Variants in RFFL observed in about 807,000 individuals in gnomAD.
The protein encoded by RFFL is ring finger and FYVE like domain containing E3 ubiquitin protein ligase.
RFFL carries 16 observed loss-of-function variants against 40.4 expected under a neutral mutation model. The ratio of observed to expected loss-of-function variants is 0.40; its 90% CI spans 0.27 to 0.60. RFFL has a LOEUF of 0.60. Ranked by LOEUF, RFFL falls within the 20% of genes least tolerant of loss-of-function variation. RFFL has a pLI of 0.47. For synonymous variants in RFFL, 154 were observed against 167.9 expected, an observed-to-expected ratio of 0.92 and a Z score of 0.64; for missense variants, 367 against 451.7, an observed-to-expected ratio of 0.81 and a Z score of 1.70.
chr17:35,026,671 C>G lies in RFFL; in HGVS notation c.-8-110G>C, dbSNP rs1163697680. 4 of 790,646 alleles carry G rather than the reference C, an allele frequency of 5.1e-6. No individual in the cohort carries two copies. The African/African-American group carries it at 7.3e-5, about 14-fold the overall frequency. 49.0% of individuals were successfully genotyped at this position (790,646 alleles called of 1,614,324 possible). A position where few individuals can be genotyped will look rare whatever the true frequency, so the allele number is the denominator to read the frequency against. ...GTGACACTCAATGCACGCATGCCAC[C>G]AAGGTGGAGGGGAGGATGTGTTTTC... On this transcript the variant is annotated intron_variant, in intron 1 of 6. Coordinates refer to ENST00000394597, the MANE Select transcript of RFFL (RefSeq NM_001017368.2).
chr17:35,012,273 C>T, intron 6 of RFFL, 124 bp from the exon 7 acceptor site: 1 of 748,284 alleles, frequency 1.3e-6, no homozygotes. Flanking sequence ...AGTCTCAGTG[C>T]ACATGCTTCC....
chr17:35,038,631 T>G (rs1039550582), intron 1 of RFFL, among the ~76,000 whole-genome samples: 1 of 152,196 alleles, frequency 6.6e-6, no homozygotes, highest in African/African-American at 2.4e-5. Context: ...ATGAATCTTA[T>G]GTTGAGCAAA....
chr17:35,009,172 C>T lies in RFFL; in HGVS notation c.*2796G>A, dbSNP rs777975048. 1 of 152,626 alleles carries T rather than the reference C, an allele frequency of 6.6e-6. No homozygotes were observed. The highest frequency in any genetic ancestry group is 1.5e-5 in the Non-Finnish European group (1 of 68,038). 9.5% of individuals were successfully genotyped at this position (152,626 alleles called of 1,614,324 possible). ...AGCAGAGCTCTGTAACAAAATAATA[C>T]ACATTTGGGTTTGCTTTAACCTCCA... On this transcript the variant is annotated 3_prime_UTR_variant, in exon 7 of 7. Transcript: ENST00000394597.
chr17:35,017,861 G>A (rs964658832), intron 3 of RFFL, among the ~76,000 whole-genome samples: 1 of 152,138 alleles, frequency 6.6e-6, no homozygotes, highest in Non-Finnish European at 1.5e-5. Flanking sequence ...CACCAGGATG[G>A]CAGTAGCCAC....
chr17:35,010,508 C>A lies in RFFL; in HGVS notation c.*1460G>T, dbSNP rs897448092. On this transcript the variant is annotated 3_prime_UTR_variant, in exon 7 of 7. Transcript: ENST00000394597. ...GTGGCTCACGCCTGTAATCCCAGCA[C>A]TTTGGGAAGCTGAGGCGGGCGGATC... is the stretch of plus-strand genomic sequence containing the variant. The A allele has an allele frequency of 3.3e-5, 5 of 152,218 alleles. No homozygotes were observed. Among genetic ancestry groups the A allele is most frequent in the Non-Finnish European group, 5.9e-5 (4 of 68,114 alleles). The allele number at this position is 152,218 out of a possible 1,614,324, so 9.4% of individuals were successfully genotyped here.
At chr17:35,074,367 T>C (rs1247379027) in intron 1 of RFFL, 1 of 152,220 alleles carries the variant, frequency 6.6e-6, no homozygotes, top group African/African-American at 2.4e-5. Context: ...GCTGTGGTTT[T>C]TGGATGTTTC....
chr17:35,011,253 T>C lies in RFFL; in HGVS notation c.*715A>G, dbSNP rs558381622. Reference sequence around the variant, plus strand: ...AGACAGAAACAAATTTCCCAGCAGTTTGGGAGCCTGATGTTTTGTTGGCTC... The same window carrying C: ...AGACAGAAACAAATTTCCCAGCAGTCTGGGAGCCTGATGTTTTGTTGGCTC... On this transcript the variant is annotated 3_prime_UTR_variant, in exon 7 of 7. Coordinates refer to ENST00000394597, the MANE Select transcript of RFFL (RefSeq NM_001017368.2). 3.3e-5 allele frequency: 5 copies of C among 152,352 alleles called. No individual in the cohort carries two copies. The South Asian group carries it at 8.3e-4, about 25-fold the overall frequency. The allele number at this position is 152,352 out of a possible 1,614,324, so 9.4% of individuals were successfully genotyped here.
chr17:35,019,369 G>C (rs1012343157), intron 3 of RFFL, among the ~76,000 whole-genome samples: 3 of 152,026 alleles, frequency 2.0e-5, no homozygotes, highest in African/African-American at 7.2e-5. Flanking sequence ...TACCTGAAAA[G>C]TTTGCTTGGT....
intron 1 of RFFL, among the ~76,000 whole-genome samples, chr17:35,047,127 C>G (rs536957135): frequency 7.2e-5 from 11 of 152,212 alleles, no homozygotes; most frequent in Admixed American, 1.3e-4. Context: ...TCTGGACCTT[C>G]TACTGAAGAA....
intron 1 of RFFL, chr17:35,077,144 T>C (rs1488206978): frequency 6.6e-6 from 1 of 152,434 alleles, no homozygotes; most frequent in Non-Finnish European, 1.4e-5. Flanking sequence ...TATAGTTCCT[T>C]AACTAGTCCC....
At chr17:35,063,323 C>T (rs1332539607) in intron 1 of RFFL, among the ~76,000 whole-genome samples, 2 of 151,626 alleles carry the variant, frequency 1.3e-5, no homozygotes, top group Non-Finnish European at 2.9e-5. Flanking sequence ...GGCATGGTGG[C>T]GCACATCTAT....
intron 5 of RFFL, among the ~76,000 whole-genome samples, chr17:35,015,385 GAACT>G (rs1160707299): frequency 2.0e-5 from 3 of 152,238 alleles, no homozygotes; most frequent in Non-Finnish European, 4.4e-5. Flanking sequence ...AAGAAAGAAT[GAACT>G]ATCTAGCTGT....
intron 1 of RFFL, among the ~76,000 whole-genome samples, chr17:35,077,322 C>T (rs757940106): frequency 2.6e-5 from 4 of 152,072 alleles, no homozygotes; most frequent in Non-Finnish European, 5.9e-5. Flanking sequence ...CTAAGAACCA[C>T]TTAGAACAAT....
chr17:35,063,727 T>C (rs1400028444), upstream of RFFL: 1 of 152,224 alleles, frequency 6.6e-6, no homozygotes, highest in Non-Finnish European at 1.5e-5. Context: ...CGCCTGGGGA[T>C]GTATCTTTGG....
upstream of RFFL, among the ~76,000 whole-genome samples, chr17:35,067,912 T>TCGCTC (rs1040767292): frequency 3.9e-5 from 6 of 152,176 alleles, no homozygotes; most frequent in Admixed American, 1.3e-4. Context: ...TAAACATAAG[T>TCGCTC]CCGCTCACCC....
At position 35,008,326 on chromosome 17, in the gene RFFL, G is replaced by A. The variant is rs1056797536; in HGVS notation, c.*3642C>T. The A allele has an allele frequency of 6.6e-6, 1 of 152,222 alleles. No individual in the cohort carries two copies. Among genetic ancestry groups the A allele is most frequent in the Non-Finnish European group, 1.5e-5 (1 of 68,064 alleles). 9.4% of individuals were successfully genotyped at this position (152,222 alleles called of 1,614,324 possible). ...TACATTTGTGGTCTTGAGCAAGTTA[G>A]TTAGTTACAACAACACTGAGCATCT... On this transcript the variant is annotated 3_prime_UTR_variant, in exon 7 of 7. Transcript: ENST00000394597.
At chr17:35,039,974 C>A (rs1258214183) in intron 1 of RFFL, among the ~76,000 whole-genome samples, 2 of 152,060 alleles carry the variant, frequency 1.3e-5, no homozygotes, top group African/African-American at 2.4e-5. Context: ...CGCATCTGGC[C>A]GACTCCACTT....
intron 1 of RFFL, among the ~76,000 whole-genome samples, chr17:35,044,898 G>A (rs1045978024): frequency 6.6e-6 from 1 of 150,934 alleles, no homozygotes; most frequent in Admixed American, 6.6e-5. Flanking sequence ...TTGAGACAGG[G>A]TCTCACTCTG....
At chr17:35,042,633 A>G (rs2091173603) in intron 1 of RFFL, among the ~76,000 whole-genome samples, 1 of 151,980 alleles carries the variant, frequency 6.6e-6, no homozygotes, top group Admixed American at 6.6e-5. Context: ...AGACCAGCCC[A>G]GCCAACATGG....
Sources: allele counts gnomAD v4.1 joint callset (sites outside exome capture counted in the v4.1 genomes callset), GRCh38; gene constraint gnomAD v4.1.1; transcripts MANE v1.5; gene names NCBI Gene and HGNC (gene_info 2026-07-23, HGNC 2026-07-21).